Variants in EFNA5 observed in about 807,000 individuals in gnomAD.
EFNA5 encodes ephrin-A5.
Under a neutral mutation model 22.9 loss-of-function variants are expected in EFNA5, and 5 were observed. The observed-to-expected ratio is 0.22, with a 90% CI of 0.11 to 0.46. The LOEUF is 0.46. EFNA5 is among the 20% of genes least tolerant of loss of function. The pLI is 0.99. For synonymous variants in EFNA5, 113 were observed against 112.2 expected (o/e 1.01, Z -0.04); for missense variants, 237 against 293.3 (o/e 0.81, Z 1.40).
chr5:107,594,257 C>T (rs1282573427), intron 1 of EFNA5, among the ~76,000 whole-genome samples: 1 of 152,182 alleles, frequency 6.6e-6, no homozygotes, highest in Non-Finnish European at 1.5e-5. Context: ...TGTATGTAGA[C>T]ATCCATTCAT....
At chr5:107,420,909 G>A (rs1402847158) in intron 2 of EFNA5, among the ~76,000 whole-genome samples, 2 of 152,028 alleles carry the variant, frequency 1.3e-5, no homozygotes, top group Admixed American at 6.6e-5. Context: ...GCACTTCTAC[G>A]AAAAACTATA....
intron 1 of EFNA5, among the ~76,000 whole-genome samples, chr5:107,660,293 T>A (rs1317673802): frequency 5.1e-5 from 6 of 117,062 alleles, no homozygotes; most frequent in South Asian, 2.6e-4. Flanking sequence ...TATATATATA[T>A]ATATATATAT....
chr5:107,432,822 T>C (rs1157961346), intron 1 of EFNA5, among the ~76,000 whole-genome samples: 1 of 152,130 alleles, frequency 6.6e-6, no homozygotes, highest in Non-Finnish European at 1.5e-5. Flanking sequence ...ATGGATCCAC[T>C]TACACGTGGA....
Position 107,381,221 on chromosome 5 carries a change from T to A in EFNA5, c.*34A>T, listed in dbSNP as rs1370382018. 2 of 1,598,698 alleles carry A rather than the reference T, an allele frequency of 1.3e-6. No individual in the cohort carries two copies. Among genetic ancestry groups the A allele is most frequent in the Non-Finnish European group, 1.7e-6 (2 of 1,167,814 alleles). Reference sequence around the variant, plus strand: ...GATCTCTGGTGTTCCAAGACCCTGATGTTTTCTGTGACAAGTGATGGGAGG... The same window carrying A: ...GATCTCTGGTGTTCCAAGACCCTGAAGTTTTCTGTGACAAGTGATGGGAGG... On this transcript the variant is annotated 3_prime_UTR_variant, in exon 5 of 5. Coordinates refer to ENST00000333274, the MANE Select transcript of EFNA5 (RefSeq NM_001962.3).
intron 1 of EFNA5, among the ~76,000 whole-genome samples, chr5:107,438,246 C>T (rs1227799717): frequency 6.6e-6 from 1 of 152,180 alleles, no homozygotes; most frequent in African/African-American, 2.4e-5. Context: ...CCTCCTGAAA[C>T]AAGACTCACA....
chr5:107,631,085 CT>C (rs575958778), intron 1 of EFNA5, among the ~76,000 whole-genome samples: 147 of 152,114 alleles, frequency 9.7e-4, no homozygotes, highest in African/African-American at 3.4e-3. Context: ...TTGCAGTTAA[CT>C]TTTTTTATAT....
chr5:107,630,926 G>C (rs1750235864), intron 1 of EFNA5, among the ~76,000 whole-genome samples: 1 of 152,004 alleles, frequency 6.6e-6, no homozygotes, highest in African/African-American at 2.4e-5. Flanking sequence ...CCTCCACAGG[G>C]TGAGAAATAT....
chr5:107,587,661 T>G (rs1749217963), intron 1 of EFNA5, among the ~76,000 whole-genome samples: 1 of 152,098 alleles, frequency 6.6e-6, no homozygotes, highest in Admixed American at 6.6e-5. Context: ...GGACTACAGG[T>G]GCCCACCACC....
At chr5:107,415,713 T>C (rs139719711) in intron 2 of EFNA5, among the ~76,000 whole-genome samples, 159 of 152,382 alleles carry the variant, frequency 1.0e-3, no homozygotes, top group African/African-American at 3.8e-3. Context: ...TTTCCCCTTA[T>C]GGGAGCCCTA....
chr5:107,476,735 T>TCTC (rs1750321735), intron 1 of EFNA5, among the ~76,000 whole-genome samples: 110 of 148,238 alleles, frequency 7.4e-4, no homozygotes, highest in Non-Finnish European at 1.2e-3. Context: ...TTTTTTCTCT[T>TCTC]TCTCTCTCTC....
chr5:107,667,696 T>C (rs191400948), intron 1 of EFNA5, among the ~76,000 whole-genome samples: 1 of 152,298 alleles, frequency 6.6e-6, no homozygotes, highest in Admixed American at 6.5e-5. Context: ...AAAAAAATTA[T>C]TTAAGTTGCA....
chr5:107,607,243 A>C (rs567974097), intron 1 of EFNA5, among the ~76,000 whole-genome samples: 1 of 152,278 alleles, frequency 6.6e-6, no homozygotes, highest in South Asian at 2.1e-4. Context: ...AATTTGATAC[A>C]TTAGAATAGA....
intron 2 of EFNA5, among the ~76,000 whole-genome samples, chr5:107,410,568 C>A (rs1355752931): frequency 6.6e-6 from 1 of 152,174 alleles, no homozygotes; most frequent in South Asian, 2.1e-4. Flanking sequence ...AAAAAGGGTT[C>A]CCAGGTCTAA....
intron 1 of EFNA5, among the ~76,000 whole-genome samples, chr5:107,628,985 T>C (rs1236564914): frequency 6.6e-6 from 1 of 152,140 alleles, no homozygotes; most frequent in Non-Finnish European, 1.5e-5. Flanking sequence ...GAAACTGTAG[T>C]TTCTTCGGCA....
At chr5:107,565,236 C>A (rs1189854343) in intron 1 of EFNA5, among the ~76,000 whole-genome samples, 2 of 152,134 alleles carry the variant, frequency 1.3e-5, no homozygotes, top group African/African-American at 4.8e-5. Flanking sequence ...TGAAAGACCA[C>A]AGAGTAGCAT....
intron 1 of EFNA5, among the ~76,000 whole-genome samples, chr5:107,573,951 T>G (rs2112489051): frequency 6.6e-6 from 1 of 152,338 alleles, no homozygotes; most frequent in African/African-American, 2.4e-5. Context: ...TCTTTACCAC[T>G]TGGCTAGCAG....
At chr5:107,424,251 G>T (rs911187781) in intron 2 of EFNA5, among the ~76,000 whole-genome samples, 6 of 127,610 alleles carry the variant, frequency 4.7e-5, no homozygotes, top group African/African-American at 1.9e-4. Context: ...CTGTCACCCA[G>T]GCTGGAGTGC....
At chr5:107,575,452 C>T (rs1014911622) in intron 1 of EFNA5, among the ~76,000 whole-genome samples, 2 of 152,096 alleles carry the variant, frequency 1.3e-5, no homozygotes, top group Admixed American at 6.6e-5. Flanking sequence ...ATCCTTTGAA[C>T]CCACCAAGAC....
chr5:107,575,808 C>T (rs1748916939), intron 1 of EFNA5, among the ~76,000 whole-genome samples: 1 of 152,134 alleles, frequency 6.6e-6, no homozygotes, highest in East Asian at 1.9e-4. Flanking sequence ...TCTAGGATTC[C>T]ACCTATTTAA....
Sources: allele counts gnomAD v4.1 joint callset (sites outside exome capture counted in the v4.1 genomes callset), GRCh38; gene constraint gnomAD v4.1.1; transcripts MANE v1.5; gene names NCBI Gene and HGNC (gene_info 2026-07-23, HGNC 2026-07-21).